Variants in ITGA8 observed in about 807,000 individuals in gnomAD.
ITGA8 encodes the protein integrin subunit alpha 8, also known as integrin alpha-8.
A neutral mutation model predicts 142.3 loss-of-function variants in ITGA8; 91 were observed. That is an observed-to-expected ratio of 0.64 (90% confidence interval 0.54 to 0.76). The LOEUF is 0.76. ITGA8 is among the 30% of genes least tolerant of loss of function. The pLI is 0.00. For synonymous variants in ITGA8, 505 were observed against 485.2 expected (o/e 1.04, Z -0.54); for missense variants, 1,406 against 1,327.7 (o/e 1.06, Z -0.92).
At chr10:15,564,920 A>G (rs753360806) in intron 25 of ITGA8, among the ~76,000 whole-genome samples, 46 of 152,350 alleles carry the variant, frequency 3.0e-4, no homozygotes, top group Middle Eastern at 3.4e-3. Flanking sequence ...TAAGACATGA[A>G]TGTTGAGGAT....
intron 11 of ITGA8, among the ~76,000 whole-genome samples, chr10:15,653,633 A>G (rs1413460993): frequency 5.9e-5 from 9 of 152,100 alleles, no homozygotes; most frequent in African/African-American, 2.2e-4. Flanking sequence ...CTGCCCTAAA[A>G]ATCCTGTTCT....
intron 3 of ITGA8, among the ~76,000 whole-genome samples, chr10:15,685,006 T>C (rs1834810461): frequency 6.6e-6 from 1 of 152,244 alleles, no homozygotes; most frequent in African/African-American, 2.4e-5. Flanking sequence ...TCACAGTGTT[T>C]TTGGCTTGGT....
intron 25 of ITGA8, among the ~76,000 whole-genome samples, chr10:15,563,419 C>T (rs1447178506): frequency 6.6e-6 from 1 of 151,312 alleles, no homozygotes; most frequent in Non-Finnish European, 1.5e-5. Flanking sequence ...TGTGGGTGTA[C>T]ATGTAGATTT....
chr10:15,550,562 G>T (rs1216829537), intron 26 of ITGA8, among the ~76,000 whole-genome samples: 2 of 152,178 alleles, frequency 1.3e-5, no homozygotes, highest in Non-Finnish European at 2.9e-5. Flanking sequence ...AGCCATGAAG[G>T]TATGAATGGG....
chr10:15,654,352 T>C (rs577702365), intron 11 of ITGA8, among the ~76,000 whole-genome samples: 1 of 152,368 alleles, frequency 6.6e-6, no homozygotes, highest in South Asian at 2.1e-4. Context: ...TCTAGTATAA[T>C]CTTCATGAAG....
At chr10:15,610,956 T>C (rs578093344) in intron 15 of ITGA8, among the ~76,000 whole-genome samples, 8 of 152,296 alleles carry the variant, frequency 5.3e-5, no homozygotes, top group South Asian at 4.2e-4. Flanking sequence ...CTGGCTTTTT[T>C]CCCCCTTTTT....
rs1832938214 is a variant in ITGA8 at position 15,514,997 on chromosome 10, C to G, written c.*2161G>C. ...TATGTAACCCTAAGAGTTCTCAGTTCCTTCACCAATGTTGGCTTAAAGACA... is the reference window on the plus strand; with the variant it reads ...TATGTAACCCTAAGAGTTCTCAGTTGCTTCACCAATGTTGGCTTAAAGACA... On this transcript the variant is annotated 3_prime_UTR_variant, in exon 30 of 30. Transcript: ENST00000378076. The G allele has an allele frequency of 1.3e-5, 2 of 152,082 alleles. No homozygotes were observed. The highest frequency in any genetic ancestry group is 1.3e-4 in the Admixed American group (2 of 15,278). 9.4% of individuals were successfully genotyped at this position (152,082 alleles called of 1,614,324 possible).
Position 15,659,712 on chromosome 10 carries a change from C to T in ITGA8, c.892-657G>A, listed in dbSNP as rs904228902. Among the ~76,000 whole-genome samples, 6 of 152,184 alleles carry T rather than the reference C, an allele frequency of 3.9e-5. No individual in the cohort carries two copies. The East Asian group carries it at 5.8e-4, about 15-fold the overall frequency. Reference sequence around the variant, plus strand: ...TTAAGGATCTCAAGATGAAACCATCCGGGTAGGCTCTAAATCCAATGACTG... The same window carrying T: ...TTAAGGATCTCAAGATGAAACCATCTGGGTAGGCTCTAAATCCAATGACTG... On this transcript the variant is annotated intron_variant, in intron 9 of 29. Transcript: ENST00000378076.
intron 27 of ITGA8, 122 bp from the exon 28 acceptor site, chr10:15,531,273 A>C: frequency 2.0e-6 from 1 of 495,364 alleles, no homozygotes; most frequent in East Asian, 3.5e-5. Flanking sequence ...TTCCTTTTTA[A>C]TTTTCTCTCT....
At chr10:15,664,141 T>C (rs1279786119) in intron 8 of ITGA8, among the ~76,000 whole-genome samples, 1 of 152,190 alleles carries the variant, frequency 6.6e-6, no homozygotes. Flanking sequence ...TAGCTCATCA[T>C]CCTTATTTTA....
intron 21 of ITGA8, among the ~76,000 whole-genome samples, chr10:15,594,967 T>A (rs17137512): frequency 0.022 from 3,406 of 152,276 alleles, 103 homozygotes; most frequent in East Asian, 0.083. Context: ...GAGGTGCATG[T>A]GTCCTTAACT....
rs561864567 is a variant in ITGA8 at position 15,667,884 on chromosome 10, C to T, written c.847+3719G>A. Among the ~76,000 whole-genome samples the T allele has an allele frequency of 1.6e-3, 247 of 152,104 alleles. 1 individual carries two copies. The highest frequency in any genetic ancestry group is 5.7e-3 in the African/African-American group (237 of 41,516). ...TTTGATTGCACTGTGGTCTGAGAGA[C>T]AGTTTGTTATAATTTCTGTTCTTTT... is the stretch of plus-strand genomic sequence containing the variant. On this transcript the variant is annotated intron_variant, in intron 8 of 29. Transcript: ENST00000378076.
intron 25 of ITGA8, among the ~76,000 whole-genome samples, chr10:15,562,843 C>T (rs1834008379): frequency 6.6e-6 from 1 of 152,074 alleles, no homozygotes; most frequent in Admixed American, 6.6e-5. Flanking sequence ...CACAGTTGAT[C>T]GAGGATGCTG....
rs527990963 is a variant in ITGA8 at position 15,660,742 on chromosome 10, C to T, written c.891+137G>A. 179 of 692,692 alleles carry T rather than the reference C, an allele frequency of 2.6e-4. No homozygotes were observed. The African/African-American group carries it at 2.6e-3, about 10-fold the overall frequency. 42.9% of individuals were successfully genotyped at this position (692,692 alleles called of 1,614,324 possible). On this transcript the variant is annotated intron_variant, in intron 9 of 29. Coordinates refer to ENST00000378076, the MANE Select transcript of ITGA8 (RefSeq NM_003638.3). ...GGTAGGTTAGGTAAGCTATGATGTT[C>T]GGTGGATTAGGTGTATTAAGTGTGT...
intron 2 of ITGA8, 120 bp from the exon 3 acceptor site, chr10:15,688,158 A>G: frequency 1.4e-6 from 1 of 690,316 alleles, no homozygotes; most frequent in Non-Finnish European, 2.5e-6. Context: ...AACTCCTCCA[A>G]AAAAATTGAA....
intron 23 of ITGA8, among the ~76,000 whole-genome samples, chr10:15,581,772 C>T (rs902115891): frequency 1.3e-5 from 2 of 152,094 alleles, no homozygotes; most frequent in Non-Finnish European, 2.9e-5. Context: ...CATTTCAAGC[C>T]TTATTATTAT....
At chr10:15,560,753 T>C (rs12765809) in intron 25 of ITGA8, among the ~76,000 whole-genome samples, 1 of 152,186 alleles carries the variant, frequency 6.6e-6, no homozygotes, top group Admixed American at 6.5e-5. Flanking sequence ...TAAAAATGGA[T>C]GTATCTGACA....
chr10:15,604,121 ACT>A lies in ITGA8; in HGVS notation c.2118+85_2118+86del, dbSNP rs1233413094. The stretch of plus-strand genomic sequence containing the variant: ...TTTGCTGTCTTTCATTAAGGAAGAA[ACT>A]CTCAGCTAAGATGGCCCTTCTTAAC... On this transcript the variant is annotated intron_variant, in intron 20 of 29. Coordinates refer to ENST00000378076, the MANE Select transcript of ITGA8 (RefSeq NM_003638.3). 14 of 1,198,916 alleles carry A rather than the reference ACT, an allele frequency of 1.2e-5. No homozygotes were observed. In the South Asian group the frequency reaches 1.4e-4, roughly 12 times the overall value. 74.3% of individuals were successfully genotyped at this position (1,198,916 alleles called of 1,614,324 possible). A position where few individuals can be genotyped will look rare whatever the true frequency, so the allele number is the denominator to read the frequency against.
chr10:15,706,367 G>T (rs764595712), intron 2 of ITGA8, among the ~76,000 whole-genome samples: 1 of 152,020 alleles, frequency 6.6e-6, no homozygotes, highest in African/African-American at 2.4e-5. Flanking sequence ...GAAAGGGAAC[G>T]GTCTTCTACC....
Sources: allele counts gnomAD v4.1 joint callset (sites outside exome capture counted in the v4.1 genomes callset), GRCh38; gene constraint gnomAD v4.1.1; transcripts MANE v1.5; gene names NCBI Gene and HGNC (gene_info 2026-07-23, HGNC 2026-07-21).